Variants in RASGRP1 observed in about 807,000 individuals in gnomAD.
RASGRP1 encodes RAS guanyl releasing protein 1.
In RASGRP1, 37 loss-of-function variants were observed where a neutral mutation model predicts 95.1. The observed-to-expected ratio is 0.39, with a 90% CI of 0.30 to 0.51. The LOEUF (loss-of-function observed/expected upper bound fraction) is 0.51, where lower values mean the gene tolerates loss of function less well. Ranked by LOEUF, RASGRP1 falls within the 20% of genes least tolerant of loss-of-function variation. The pLI is 0.80. For synonymous variants in RASGRP1, 325 were observed against 353.4 expected (o/e 0.92, Z 0.90); for missense variants, 711 against 965.4 (o/e 0.74, Z 3.49).
chr15:38,519,213 G>T, intron 4 of RASGRP1, 96 bp downstream of exon 4: 2 of 979,222 alleles, frequency 2.0e-6, no homozygotes, highest in Admixed American at 2.1e-5. Context: ...GTCCAAAGGT[G>T]TTCTATAGAG....
chr15:38,548,261 A>C (rs1893184511), intron 2 of RASGRP1, among the ~76,000 whole-genome samples: 1 of 152,168 alleles, frequency 6.6e-6, no homozygotes, highest in Non-Finnish European at 1.5e-5. Flanking sequence ...GGACACTTTT[A>C]ATTTTAATAT....
At chr15:38,520,014 T>C (rs1891941037) in intron 3 of RASGRP1, among the ~76,000 whole-genome samples, 1 of 152,212 alleles carries the variant, frequency 6.6e-6, no homozygotes, top group South Asian at 2.1e-4. Context: ...TAAGGATCCT[T>C]TTCATTCTGA....
intron 2 of RASGRP1, among the ~76,000 whole-genome samples, chr15:38,530,675 T>G (rs979558392): frequency 3.9e-5 from 6 of 152,206 alleles, no homozygotes; most frequent in Admixed American, 3.9e-4. Context: ...CATCTAAAAC[T>G]TGCCATCTCA....
chr15:38,511,407 A>T (rs1242692793), intron 8 of RASGRP1, among the ~76,000 whole-genome samples, 197 bp downstream of exon 8: 2 of 152,212 alleles, frequency 1.3e-5, no homozygotes, highest in African/African-American at 4.8e-5. Flanking sequence ...CTGAGGCCAG[A>T]CAAAATCACA....
chr15:38,505,925 A>C lies in RASGRP1; in HGVS notation c.1243-5T>G. 1 of 1,598,762 alleles carries C rather than the reference A, an allele frequency of 6.3e-7. No individual in the cohort carries two copies. Among genetic ancestry groups the C allele is most frequent in the East Asian group, 2.2e-5 (1 of 44,652 alleles). ...GTAGTAAAGATCCAGGGATAACTGCAGATCAAAGCAGAACAGGGTTCATTG... is the reference window on the plus strand; with the variant it reads ...GTAGTAAAGATCCAGGGATAACTGCCGATCAAAGCAGAACAGGGTTCATTG... On this transcript the variant is annotated splice_region_variant and splice_polypyrimidine_tract_variant and intron_variant, in intron 9 of 16. Transcript: ENST00000310803.
At chr15:38,505,643 A>G (rs1891224041) in intron 10 of RASGRP1, among the ~76,000 whole-genome samples, 197 bp downstream of exon 10, 1 of 152,212 alleles carries the variant, frequency 6.6e-6, no homozygotes, top group East Asian at 1.9e-4. Flanking sequence ...CAACTATATC[A>G]CAGCTTTTTA....
At chr15:38,564,299 G>T (rs998628374) in intron 1 of RASGRP1, among the ~76,000 whole-genome samples, 5 of 152,126 alleles carry the variant, frequency 3.3e-5, no homozygotes, top group African/African-American at 1.2e-4. Context: ...GGAAGTCGGC[G>T]GGCGGGCGCC....
chr15:38,503,649 T>C (rs1008715087), intron 10 of RASGRP1: 15 of 457,236 alleles, frequency 3.3e-5, no homozygotes, highest in Non-Finnish European at 5.5e-5. Context: ...TGCAATTCCC[T>C]CTCCATTAAA....
intron 5 of RASGRP1, 89 bp from the exon 6 acceptor site, chr15:38,516,439 T>G (rs1338382898): frequency 1.4e-6 from 2 of 1,438,500 alleles, no homozygotes; most frequent in Non-Finnish European, 1.9e-6. Flanking sequence ...CTCACAAGAA[T>G]ATACAAAACA....
At chr15:38,495,674 T>C (rs1398437549) in intron 15 of RASGRP1, among the ~76,000 whole-genome samples, 1 of 152,236 alleles carries the variant, frequency 6.6e-6, no homozygotes, top group Non-Finnish European at 1.5e-5. Context: ...GAACATAATT[T>C]AAATTAACAT....
chr15:38,546,085 A>AGCTG (rs1307925742), intron 2 of RASGRP1, among the ~76,000 whole-genome samples: 2 of 152,216 alleles, frequency 1.3e-5, no homozygotes, highest in Non-Finnish European at 2.9e-5. Flanking sequence ...TCCTCTGGCA[A>AGCTG]GCTGCATTAT....
chr15:38,509,517 C>A (rs1181958800), intron 8 of RASGRP1, among the ~76,000 whole-genome samples: 1 of 152,056 alleles, frequency 6.6e-6, no homozygotes, highest in Non-Finnish European at 1.5e-5. Context: ...ACCTGAGGTC[C>A]AAAGTTCAAG....
chr15:38,563,473 T>A (rs755103616), intron 1 of RASGRP1, among the ~76,000 whole-genome samples: 1 of 152,186 alleles, frequency 6.6e-6, no homozygotes, highest in Non-Finnish European at 1.5e-5. Flanking sequence ...GGTATCTCAG[T>A]GGAGGTCAGT....
At chr15:38,563,703 G>T (rs1893905984) in intron 1 of RASGRP1, among the ~76,000 whole-genome samples, 2 of 152,184 alleles carry the variant, frequency 1.3e-5, no homozygotes, top group Non-Finnish European at 2.9e-5. Context: ...GGACCCTCAG[G>T]GGATACCTGG....
chr15:38,551,042 A>C (rs1893321273), intron 2 of RASGRP1, among the ~76,000 whole-genome samples: 1 of 152,258 alleles, frequency 6.6e-6, no homozygotes, highest in African/African-American at 2.4e-5. Flanking sequence ...TGTTATTCAT[A>C]GTAAATGCTC....
chr15:38,536,891 G>A (rs1892671421), intron 2 of RASGRP1, among the ~76,000 whole-genome samples: 1 of 152,200 alleles, frequency 6.6e-6, no homozygotes, highest in South Asian at 2.1e-4. Context: ...AAATTATTCT[G>A]AAAGTTTCCT....
chr15:38,515,764 C>T (rs1009500759), intron 6 of RASGRP1, among the ~76,000 whole-genome samples: 2 of 150,578 alleles, frequency 1.3e-5, no homozygotes, highest in Non-Finnish European at 3.0e-5. Flanking sequence ...GACATATCCT[C>T]TCCCCGCCCC....
chr15:38,490,961 A>G (rs1020183822), intron 16 of RASGRP1, among the ~76,000 whole-genome samples: 7 of 152,222 alleles, frequency 4.6e-5, no homozygotes, highest in East Asian at 3.9e-4. Flanking sequence ...GTAGATAATG[A>G]CAAAACTTTT....
chr15:38,507,881 T>C lies in RASGRP1; in HGVS notation c.1087A>G (p.Ile363Val). The change falls in exon 9 of 17, where the codon ATC becomes GTC. Residue 363 changes from isoleucine to valine, a missense_variant. Ile to Val is a conservative substitution (Grantham distance 29). Transcript: ENST00000310803. ...TCAGGCATGGCTTCATACAGGGAGA[T>C]GAGGTCCTTGAGATGCACACCCAGA... ...PILGVHLKDL[I>V]SLYEAMPDYL... is the part of the protein sequence containing the mutation. The C allele has an allele frequency of 6.2e-7, 1 of 1,613,708 alleles. No homozygotes were observed. Among genetic ancestry groups the C allele is most frequent in the Non-Finnish European group, 8.5e-7 (1 of 1,179,816 alleles).
Sources: allele counts gnomAD v4.1 joint callset (sites outside exome capture counted in the v4.1 genomes callset), GRCh38; gene constraint gnomAD v4.1.1; transcripts MANE v1.5; gene names NCBI Gene and HGNC (gene_info 2026-07-23, HGNC 2026-07-21).